Variants in ERVFRD-1 observed in about 807,000 individuals in gnomAD.
ERVFRD-1 encodes syncytin-2.
Under a neutral mutation model 43.8 loss-of-function variants are expected in ERVFRD-1, and 33 were observed. That is an observed-to-expected ratio of 0.75 (90% CI 0.57 to 1.01). The LOEUF is 1.01. Ranked by LOEUF, ERVFRD-1 falls within the 50% of genes least tolerant of loss-of-function variation. The probability of loss-of-function intolerance (pLI) is 0.00; values close to 1 mark genes in which losing one functional copy is unlikely to be tolerated. For synonymous variants in ERVFRD-1, 239 were observed against 244.4 expected (o/e 0.98, Z 0.21); for missense variants, 568 against 658.4 (o/e 0.86, Z 1.50).
intron 1 of ERVFRD-1, among the ~76,000 whole-genome samples, chr6:11,110,811 G>C (rs560619515): frequency 2.0e-5 from 3 of 152,272 alleles, no homozygotes; most frequent in African/African-American, 7.2e-5. Flanking sequence ...TGGTGTTTGG[G>C]ATAAGACCCT....
Position 11,103,966 on chromosome 6 carries a change from G to T in ERVFRD-1, c.1345C>A (p.Gln449Lys). The change falls in exon 2 of 2, where the codon CAA becomes AAA. Residue 449 changes from glutamine to lysine, a missense_variant. Physicochemically the swap from Gln to Lys is moderately conservative, Grantham distance 53. Transcript: ENST00000472091. ...TTTAGGAGTTGTCTGATGTTGTCTT[G>T]TACTTTTCCTGATTGATTTACCCAA... ...CFWVNQSGKV[Q>K]DNIRQLLNQA... The T allele has an allele frequency of 3.2e-6, 5 of 1,551,658 alleles. No individual in the cohort carries two copies. Among genetic ancestry groups the T allele is most frequent in the Non-Finnish European group, 4.4e-6 (5 of 1,146,976 alleles).
At position 11,103,390 on chromosome 6, in the gene ERVFRD-1, T is replaced by C; in HGVS notation, c.*304A>G. The C allele has an allele frequency of 3.2e-6, 1 of 316,790 alleles. No homozygotes were observed. Among genetic ancestry groups the C allele is most frequent in the Non-Finnish European group, 5.8e-6 (1 of 172,382 alleles). 19.6% of individuals were successfully genotyped at this position (316,790 alleles called of 1,614,324 possible). A position where few individuals can be genotyped will look rare whatever the true frequency, so the allele number is the denominator to read the frequency against. On this transcript the variant is annotated 3_prime_UTR_variant, in exon 2 of 2. Transcript: ENST00000472091. ...ACCATCACCTGATGGTTGCCTGACA[T>C]TCCTGGTGAGGGGGCCCTCCCCTGC...
intron 1 of ERVFRD-1, among the ~76,000 whole-genome samples, chr6:11,110,466 G>A (rs572231477): frequency 2.6e-5 from 4 of 152,214 alleles, no homozygotes; most frequent in East Asian, 1.9e-4. Flanking sequence ...TTAAGAAGAC[G>A]AGAAGCCTGT....
chr6:11,103,407 C>T lies in ERVFRD-1; in HGVS notation c.*287G>A. 2.8e-6 allele frequency: 1 copy of T among 350,932 alleles called. No individual in the cohort carries two copies. The highest frequency in any genetic ancestry group is 2.1e-5 in the African/African-American group (1 of 48,654). 21.7% of individuals were successfully genotyped at this position (350,932 alleles called of 1,614,324 possible). A position where few individuals can be genotyped will look rare whatever the true frequency, so the allele number is the denominator to read the frequency against. On this transcript the variant is annotated 3_prime_UTR_variant, in exon 2 of 2. Coordinates refer to ENST00000472091, the MANE Select transcript of ERVFRD-1 (RefSeq NM_207582.3). ...GCCTGACATTCCTGGTGAGGGGGCC[C>T]TCCCCTGCCCTGCTCATGTCTGACT... is the stretch of plus-strand genomic sequence containing the variant.
intron 1 of ERVFRD-1, among the ~76,000 whole-genome samples, chr6:11,108,400 G>A (rs1758119574): frequency 6.6e-6 from 1 of 152,204 alleles, no homozygotes. Flanking sequence ...TCAGCTCAAG[G>A]AGCTGAAGGT....
At chr6:11,109,450 A>C (rs1758137526) in intron 1 of ERVFRD-1, among the ~76,000 whole-genome samples, 1 of 152,110 alleles carries the variant, frequency 6.6e-6, no homozygotes, top group Non-Finnish European at 1.5e-5. Flanking sequence ...ATAATTGGGT[A>C]GAAGGGGCAA....
chr6:11,106,458 C>A (rs28799673), intron 1 of ERVFRD-1, among the ~76,000 whole-genome samples: 3,287 of 152,332 alleles, frequency 0.022, 115 homozygotes, highest in African/African-American at 0.074. Flanking sequence ...GTCCCTCCCC[C>A]ACTGAACACT....
In ERVFRD-1 at chr6:11,104,910, C is replaced by A. The variant is rs370411526; in HGVS notation, c.401G>T (p.Gly134Val). The A allele has an allele frequency of 1.1e-5, 18 of 1,614,114 alleles. No homozygotes were observed. Among genetic ancestry groups the A allele is most frequent in the Admixed American group, 1.7e-5 (1 of 60,020 alleles). ...PICVMAKRKN[G>V]TNVGTLPSTV... Reference sequence around the variant, plus strand: ...ACTTGGAAGAGTGCCTACATTTGTTCCATTTTTCCTTTTGGCCATAACACA... The same window carrying A: ...ACTTGGAAGAGTGCCTACATTTGTTACATTTTTCCTTTTGGCCATAACACA... Residue 134 changes from glycine (G) to valine (V), a missense_variant, in exon 2 of 2, where the codon GGA (glycine) becomes GTA (valine). Transcript: ENST00000472091.
chr6:11,103,975 C>A lies in ERVFRD-1; in HGVS notation c.1336G>T (p.Gly446Ter), dbSNP rs1039344409. The A allele has an allele frequency of 1.2e-5, 18 of 1,551,524 alleles. No homozygotes were observed. Among genetic ancestry groups the A allele is most frequent in the Middle Eastern group, 1.7e-4 (1 of 6,014 alleles). ...EKCCFWVNQS[G>*]KVQDNIRQLL... ...TGTCTGATGTTGTCTTGTACTTTTC[C>A]TGATTGATTTACCCAAAAGCAACAT... Residue 446 changes from glycine to a stop codon, truncating the protein, a stop_gained, in exon 2 of 2, where the codon GGA becomes TGA. Coordinates refer to ENST00000472091, the MANE Select transcript of ERVFRD-1 (RefSeq NM_207582.3). LOFTEE classifies it high-confidence loss of function.
chr6:11,104,448 A>T lies in ERVFRD-1; in HGVS notation c.863T>A (p.Ile288Asn). 1.3e-6 allele frequency: 2 copies of T among 1,551,884 alleles called. No individual in the cohort carries two copies. Among genetic ancestry groups the T allele is most frequent in the Non-Finnish European group, 1.7e-6 (2 of 1,147,068 alleles). The change falls in exon 2 of 2, where the codon ATC (isoleucine) becomes AAC (asparagine). Residue 288 changes from isoleucine (I) to asparagine (N), a missense_variant. Physicochemically the swap from Ile to Asn is moderately radical, Grantham distance 149. Transcript: ENST00000472091. ...TSLTPLFHFH[I>N]STCLKTQGAF... ...TCCTTGAGTTTTAAGGCATGTAGAG[A>T]TATGGAAATGAAATAAGGGGGTGAG...
Position 11,109,522 on chromosome 6 carries a change from A to G in ERVFRD-1, c.-321+2155T>C, listed in dbSNP as rs77404856. On this transcript the variant is annotated intron_variant, in intron 1 of 1. Transcript: ENST00000472091. ...TTCTGAACCAATGGGAAGGGGCTGCATGACTATGGCCATGGATCTGTTTTA... is the reference window on the plus strand; with the variant it reads ...TTCTGAACCAATGGGAAGGGGCTGCGTGACTATGGCCATGGATCTGTTTTA... Among the ~76,000 whole-genome samples the G allele has an allele frequency of 5.9e-3, 896 of 152,302 alleles. 3 individuals carry two copies. Among genetic ancestry groups the G allele is most frequent in the South Asian group, 0.024 (116 of 4,822 alleles).
In ERVFRD-1 at chr6:11,105,037, G is replaced by C. The variant is rs778432865; in HGVS notation, c.274C>G (p.Leu92Val). The C allele has an allele frequency of 1.2e-6, 2 of 1,614,200 alleles. No individual in the cohort carries two copies. The highest frequency in any genetic ancestry group is 2.2e-5 in the South Asian group (2 of 91,088). ...AAATCTTGCTTTACTGTTGAAAGAA[G>C]ACTATTTGCAGGCCTCATCAGTCCT... is the stretch of plus-strand genomic sequence containing the variant. Reference protein sequence around the residue: ...LKGLMRPANSLLSTVKQDFPD... With the variant: ...LKGLMRPANSVLSTVKQDFPD... Residue 92 changes from leucine (L) to valine (V), a missense_variant, in exon 2 of 2, where the codon CTT (leucine) becomes GTT (valine). Physicochemically the swap from Leu to Val is conservative, Grantham distance 32. Transcript: ENST00000472091.
rs2113643511 is a variant in ERVFRD-1 at position 11,104,538 on chromosome 6, G to A, written c.773C>T (p.Ala258Val). The A allele has an allele frequency of 1.9e-6, 3 of 1,582,458 alleles. No individual in the cohort carries two copies. In the East Asian group the frequency reaches 6.9e-5, roughly 36 times the overall value. The change falls in exon 2 of 2, where the codon GCA becomes GTA. Residue 258 changes from alanine (A) to valine (V), a missense_variant. Coordinates refer to ENST00000472091, the MANE Select transcript of ERVFRD-1 (RefSeq NM_207582.3). ...GTAGCTGGTGGCTATAGTCATGCCT[G>A]CTAAGACTTGGACGCAGGGTGTTTG... is the stretch of plus-strand genomic sequence containing the variant. ...QSQTPCVQVLAGMTIATSYLG... is the reference protein window; with the variant it reads ...QSQTPCVQVLVGMTIATSYLG...
chr6:11,104,720 T>C lies in ERVFRD-1; in HGVS notation c.591A>G (p.Pro197=), dbSNP rs1326841640. The part of the protein sequence containing the change: ...DKSSRFCQGR[P]SSCSTRNFWF... ...AGAAGTTTCGAGTACTGCATGAGCT[T>C]GGGCGTCCCTGGCAAAACCGGCTGG... Residue 197 remains proline (P), a synonymous_variant, in exon 2 of 2, where the codon CCA becomes CCG. Coordinates refer to ENST00000472091, the MANE Select transcript of ERVFRD-1 (RefSeq NM_207582.3). The C allele has an allele frequency of 6.2e-7, 1 of 1,614,238 alleles. No individual in the cohort carries two copies. The highest frequency in any genetic ancestry group is 1.3e-5 in the African/African-American group (1 of 75,074).
At chr6:11,106,030 G>C (rs1758078332) in intron 1 of ERVFRD-1, among the ~76,000 whole-genome samples, 1 of 152,134 alleles carries the variant, frequency 6.6e-6, no homozygotes, top group African/African-American at 2.4e-5. Flanking sequence ...TGAGGGTTTG[G>C]TTATTTCCAC....
Position 11,104,124 on chromosome 6 carries a change from G to A in ERVFRD-1, c.1187C>T (p.Ala396Val), listed in dbSNP as rs745850405. Reference sequence around the variant, plus strand: ...TTCTTGCATGGTCGTTAAGGCTTTAGCCATGGTGTCAATGTTGTTGGCTAT... The same window carrying A: ...TTCTTGCATGGTCGTTAAGGCTTTAACCATGGTGTCAATGTTGTTGGCTAT... ...KEIANNIDTMAKALTTMQEQI... is the reference protein window; with the variant it reads ...KEIANNIDTMVKALTTMQEQI... Residue 396 changes from alanine to valine, a missense_variant, in exon 2 of 2, where the codon GCT becomes GTT. By Grantham distance (64) the Ala-to-Val change is moderately conservative. Transcript: ENST00000472091. The A allele has an allele frequency of 7.8e-5, 119 of 1,533,284 alleles. No individual in the cohort carries two copies. The highest frequency in any genetic ancestry group is 1.1e-5 in the Non-Finnish European group (12 of 1,136,282). The allele number at this position is 1,533,284 out of a possible 1,614,324, so 95.0% of individuals were successfully genotyped here.
In ERVFRD-1 at chr6:11,103,891, C is replaced by T; in HGVS notation, c.1420G>A (p.Glu474Lys). The T allele has an allele frequency of 6.4e-7, 1 of 1,551,668 alleles. No homozygotes were observed. The highest frequency in any genetic ancestry group is 1.2e-5 in the South Asian group (1 of 84,064). ...ERATQGWLNW[E>K]GTWKWFSWVL... is the part of the protein sequence containing the mutation. ...CAAGAGAACCATTTCCAAGTTCCTT[C>T]CCAATTTAACCAACCCTGAGTGGCT... The change falls in exon 2 of 2, where the codon GAA becomes AAA. Residue 474 changes from glutamate to lysine, a missense_variant. Physicochemically the swap from Glu to Lys is moderately conservative, Grantham distance 56. Transcript: ENST00000472091.
chr6:11,102,798 T>C lies in ERVFRD-1; in HGVS notation c.*896A>G, dbSNP rs28552434. Reference sequence around the variant, plus strand: ...ATGGGTCTGCAGCAGACTCCATCCTTGCCCCCCGGAGGAGAGGAGGGAATT... The same window carrying C: ...ATGGGTCTGCAGCAGACTCCATCCTCGCCCCCCGGAGGAGAGGAGGGAATT... On this transcript the variant is annotated 3_prime_UTR_variant, in exon 2 of 2. Coordinates refer to ENST00000472091, the MANE Select transcript of ERVFRD-1 (RefSeq NM_207582.3). The C allele has an allele frequency of 6.6e-6, 1 of 152,196 alleles. No homozygotes were observed. The highest frequency in any genetic ancestry group is 1.5e-5 in the Non-Finnish European group (1 of 68,036). The allele number at this position is 152,196 out of a possible 1,614,324, so 9.4% of individuals were successfully genotyped here.
In ERVFRD-1 at chr6:11,104,698, A is replaced by C. The variant is rs760765071; in HGVS notation, c.613T>G (p.Phe205Val). The C allele has an allele frequency of 6.2e-7, 1 of 1,614,238 alleles. No homozygotes were observed. Among genetic ancestry groups the C allele is most frequent in the Non-Finnish European group, 8.5e-7 (1 of 1,180,038 alleles). The change falls in exon 2 of 2, where the codon TTC becomes GTC. Residue 205 changes from phenylalanine to valine, a missense_variant. Phe to Val is a conservative substitution (Grantham distance 50). Transcript: ENST00000472091. Reference protein sequence around the residue: ...GRPSSCSTRNFWFRPADYNQC... With the variant: ...GRPSSCSTRNVWFRPADYNQC... ...TTATAATCAGCAGGCCGGAACCAGAAGTTTCGAGTACTGCATGAGCTTGGG... is the reference window on the plus strand; with the variant it reads ...TTATAATCAGCAGGCCGGAACCAGACGTTTCGAGTACTGCATGAGCTTGGG...
Sources: allele counts gnomAD v4.1 joint callset (sites outside exome capture counted in the v4.1 genomes callset), GRCh38; gene constraint gnomAD v4.1.1; transcripts MANE v1.5; gene names NCBI Gene and HGNC (gene_info 2026-07-23, HGNC 2026-07-21).